PDE10A: variants seen among roughly 807,000 people sequenced by gnomAD.
The protein encoded by PDE10A is phosphodiesterase 10A.
A neutral mutation model predicts 97.7 loss-of-function variants in PDE10A; 39 were observed. That is an observed-to-expected ratio of 0.40 (90% CI 0.31 to 0.52). The LOEUF (loss-of-function observed/expected upper bound fraction) is 0.52. Among genes scored for constraint, PDE10A ranks in the 20% least tolerant of loss-of-function variants. The pLI is 0.56. For synonymous variants in PDE10A, 371 were observed against 376.8 expected, an observed-to-expected ratio of 0.98 and a Z score of 0.18; for missense variants, 731 against 1,047.8, an observed-to-expected ratio of 0.70 and a Z score of 4.17.
chr6:165,954,831 G>A (rs1377851743), intron 1 of PDE10A, among the ~76,000 whole-genome samples: 1 of 152,018 alleles, frequency 6.6e-6, no homozygotes, highest in Non-Finnish European at 1.5e-5. Context: ...AGGGGAGGCT[G>A]GACAGGCCAG....
chr6:165,691,803 G>A (rs933049930), intron 1 of PDE10A, among the ~76,000 whole-genome samples: 21 of 152,340 alleles, frequency 1.4e-4, no homozygotes, highest in African/African-American at 4.8e-4. Flanking sequence ...CAGCCTGGCT[G>A]CGTGTCCTGT....
chr6:165,930,139 G>A (rs376715763), intron 1 of PDE10A, among the ~76,000 whole-genome samples: 1 of 151,762 alleles, frequency 6.6e-6, no homozygotes, highest in East Asian at 1.9e-4. Flanking sequence ...CTAATGACCA[G>A]GCACATATCA....
chr6:165,695,300 A>G (rs914571705), intron 1 of PDE10A, among the ~76,000 whole-genome samples: 18 of 152,220 alleles, frequency 1.2e-4, no homozygotes, highest in African/African-American at 4.1e-4. Context: ...GCAAATGACA[A>G]AATCTCTTTT....
At chr6:165,657,250 A>G (rs1256042492) in intron 1 of PDE10A, among the ~76,000 whole-genome samples, 1 of 152,218 alleles carries the variant, frequency 6.6e-6, no homozygotes, top group African/African-American at 2.4e-5. Context: ...AAAGAACACA[A>G]GAGTACTGGA....
intron 1 of PDE10A, among the ~76,000 whole-genome samples, chr6:165,915,048 A>G (rs1782566037): frequency 6.6e-6 from 1 of 152,252 alleles, no homozygotes; most frequent in Admixed American, 6.5e-5. Context: ...GCATTTAGGC[A>G]CTTTGTAATT....
intron 1 of PDE10A, among the ~76,000 whole-genome samples, chr6:165,760,126 A>G (rs1036352483): frequency 6.6e-6 from 1 of 152,234 alleles, no homozygotes; most frequent in Non-Finnish European, 1.5e-5. Context: ...TCTTTGCAAA[A>G]GAGAGCAAAG....
intron 1 of PDE10A, among the ~76,000 whole-genome samples, chr6:165,874,458 T>C (rs189562856): frequency 1.4e-4 from 22 of 152,224 alleles, no homozygotes; most frequent in Non-Finnish European, 2.6e-4. Context: ...AAGTGAGGCA[T>C]GAATTTATTC....
At chr6:165,969,847 C>A (rs564865254) in intron 1 of PDE10A, among the ~76,000 whole-genome samples, 1 of 152,280 alleles carries the variant, frequency 6.6e-6, no homozygotes, top group Non-Finnish European at 1.5e-5. Context: ...TAAGTCCATA[C>A]TCATGTAAAT....
intron 13 of PDE10A, among the ~76,000 whole-genome samples, chr6:165,411,766 T>C (rs965979140): frequency 3.3e-5 from 5 of 152,202 alleles, no homozygotes; most frequent in Admixed American, 3.3e-4. Context: ...TGGAGAAAGA[T>C]AGTATCTATT....
chr6:165,500,893 G>T (rs377476131), intron 2 of PDE10A, among the ~76,000 whole-genome samples: 2 of 152,194 alleles, frequency 1.3e-5, no homozygotes, highest in African/African-American at 4.8e-5. Context: ...TGCTCTTTAC[G>T]GCACCCAGAT....
intron 5 of PDE10A, among the ~76,000 whole-genome samples, chr6:165,441,633 T>TC (rs11431620): frequency 0.026 from 3,911 of 152,320 alleles, 177 homozygotes; most frequent in African/African-American, 0.087. Context: ...TTTCCTTTTT[T>TC]CCCAAGTTCT....
At chr6:165,554,684 A>C (rs1784166654) in intron 1 of PDE10A, among the ~76,000 whole-genome samples, 1 of 152,216 alleles carries the variant, frequency 6.6e-6, no homozygotes, top group Non-Finnish European at 1.5e-5. Flanking sequence ...AAGAAAGGAA[A>C]TCAGTATATC....
At chr6:165,487,018 A>G (rs1779961362) in intron 2 of PDE10A, among the ~76,000 whole-genome samples, 1 of 152,158 alleles carries the variant, frequency 6.6e-6, no homozygotes, top group Non-Finnish European at 1.5e-5. Context: ...AATACTACCA[A>G]CCACAAAAGA....
At chr6:165,691,585 G>GCA (rs1562687668) in intron 1 of PDE10A, among the ~76,000 whole-genome samples, 5 of 126,236 alleles carry the variant, frequency 4.0e-5, no homozygotes, top group African/African-American at 2.0e-4. Context: ...ACGCATGCAC[G>GCA]CGCGCGCACA....
chr6:165,536,718 T>C (rs780975074), intron 2 of PDE10A, among the ~76,000 whole-genome samples: 3 of 151,854 alleles, frequency 2.0e-5, no homozygotes, highest in Non-Finnish European at 4.4e-5. Flanking sequence ...ATATCACTAA[T>C]CATCAGGAAA....
chr6:165,663,916 G>T (rs1790422814), upstream of PDE10A, among the ~76,000 whole-genome samples: 1 of 152,178 alleles, frequency 6.6e-6, no homozygotes, highest in Non-Finnish European at 1.5e-5. Flanking sequence ...CGCCCAATGG[G>T]CGCTCAGAAC....
At chr6:165,532,198 C>T (rs1470339276) in intron 2 of PDE10A, among the ~76,000 whole-genome samples, 1 of 152,016 alleles carries the variant, frequency 6.6e-6, no homozygotes. Flanking sequence ...GAAAGTCAAT[C>T]ACAGGAGCTC....
chr6:165,560,141 G>A (rs1284384849), intron 1 of PDE10A, among the ~76,000 whole-genome samples: 1 of 152,142 alleles, frequency 6.6e-6, no homozygotes, highest in African/African-American at 2.4e-5. Flanking sequence ...TATCCAACTG[G>A]GCCTGGCCTA....
At chr6:165,666,994 A>G (rs2128434928), upstream of PDE10A, among the ~76,000 whole-genome samples, 1 of 152,312 alleles carries the variant, frequency 6.6e-6, no homozygotes, top group East Asian at 1.9e-4. Flanking sequence ...ATTACTATTG[A>G]TGTTAAGACA....
Sources: allele counts gnomAD v4.1 joint callset (sites outside exome capture counted in the v4.1 genomes callset), GRCh38; gene constraint gnomAD v4.1.1; transcripts MANE v1.5; gene names NCBI Gene and HGNC (gene_info 2026-07-23, HGNC 2026-07-21).